BCAS3: variants seen among roughly 807,000 people sequenced by gnomAD.
The protein encoded by BCAS3 is BCAS4/BCAS3 fusion.
Under a neutral mutation model 116.1 loss-of-function variants are expected in BCAS3, and 53 were observed. The ratio of observed to expected loss-of-function variants is 0.46; its 90% CI spans 0.37 to 0.57. The LOEUF (loss-of-function observed/expected upper bound fraction) is 0.57, where lower values mean the gene tolerates loss of function less well. BCAS3 is among the 20% of genes least tolerant of loss of function. The probability of loss-of-function intolerance (pLI) is 0.00; values close to 1 mark genes in which losing one functional copy is unlikely to be tolerated. For missense variants in BCAS3, 917 were observed against 1,165.4 expected (o/e 0.79, Z 3.10); for synonymous variants, 391 against 408.2 (o/e 0.96, Z 0.51).
In BCAS3 at chr17:61,110,022, A is replaced by G. The variant is rs192098286; in HGVS notation, c.2425+25458A>G. Among the ~76,000 whole-genome samples, 851 of 152,318 alleles carry G rather than the reference A, an allele frequency of 5.6e-3. 5 individuals carry two copies. Among genetic ancestry groups the G allele is most frequent in the Non-Finnish European group, 6.2e-3 (420 of 68,022 alleles). On this transcript the variant is annotated intron_variant, in intron 22 of 23. Transcript: ENST00000407086. Reference sequence around the variant, plus strand: ...GGTCATGAAGTATTTGCCTAAGCCAATGTCTAGAAGGGTTTCTTCTGATGT... The same window carrying G: ...GGTCATGAAGTATTTGCCTAAGCCAGTGTCTAGAAGGGTTTCTTCTGATGT...
chr17:60,738,764 GT>G (rs551286824), intron 5 of BCAS3, among the ~76,000 whole-genome samples: 1 of 152,002 alleles, frequency 6.6e-6, no homozygotes, highest in East Asian at 1.9e-4. Flanking sequence ...ATTTTTAAAA[GT>G]TTTTTCTTGT....
intron 15 of BCAS3, among the ~76,000 whole-genome samples, chr17:61,006,753 G>A (rs2064744685): frequency 6.6e-6 from 1 of 151,938 alleles, no homozygotes; most frequent in African/African-American, 2.4e-5. Context: ...GAAATTTTGA[G>A]GGTGCTTTAA....
chr17:61,345,797 T>G (rs1329785021), intron 22 of BCAS3, among the ~76,000 whole-genome samples: 2 of 151,924 alleles, frequency 1.3e-5, no homozygotes, highest in Admixed American at 1.3e-4. Context: ...GCCAGTAGAT[T>G]GGGATGATAG....
intron 19 of BCAS3, among the ~76,000 whole-genome samples, chr17:61,064,082 T>TTA (rs989180486): frequency 3.3e-4 from 50 of 152,294 alleles, no homozygotes; most frequent in Admixed American, 2.9e-3. Context: ...GTCCTTAAAA[T>TTA]GGTTTGACCT....
rs2061686643 is a variant in BCAS3 at position 60,966,797 on chromosome 17, CAT to C, written c.1221+19446_1221+19447del. On this transcript the variant is annotated intron_variant, in intron 14 of 23. Transcript: ENST00000407086. ...CCTCCTGAGTAGCTGGGATTACAGACATGTGCCACCATGTCCAGCTAATTTTT... is the reference window on the plus strand; with the variant it reads ...CCTCCTGAGTAGCTGGGATTACAGACGTGCCACCATGTCCAGCTAATTTTT... Among the ~76,000 whole-genome samples the C allele has an allele frequency of 2.6e-5, 4 of 151,646 alleles. No homozygotes were observed. In the East Asian group the frequency reaches 7.8e-4, roughly 29 times the overall value.
intron 22 of BCAS3, among the ~76,000 whole-genome samples, chr17:61,216,584 C>G (rs1353978970): frequency 6.7e-6 from 1 of 150,296 alleles, no homozygotes; most frequent in Non-Finnish European, 1.5e-5. Flanking sequence ...CTTGCTCTGT[C>G]GCCCAGGCTG....
At chr17:61,089,326 A>G (rs1000193822) in intron 22 of BCAS3, among the ~76,000 whole-genome samples, 17 of 152,074 alleles carry the variant, frequency 1.1e-4, no homozygotes, top group African/African-American at 4.1e-4. Context: ...ATACTCATTA[A>G]TAGAGAAGTG....
chr17:60,822,463 C>G (rs763223783), intron 7 of BCAS3, among the ~76,000 whole-genome samples: 6 of 152,176 alleles, frequency 3.9e-5, no homozygotes, highest in Non-Finnish European at 7.4e-5. Context: ...TTGCTACAGA[C>G]TTACCTCACG....
chr17:60,790,399 G>A (rs539785178), intron 6 of BCAS3, among the ~76,000 whole-genome samples: 2 of 152,298 alleles, frequency 1.3e-5, no homozygotes, highest in African/African-American at 4.8e-5. Flanking sequence ...AATAGCCATT[G>A]TTAAAGGTGA....
rs1339848939 is a variant in BCAS3 at position 61,012,381 on chromosome 17, G to C, written c.1487-3370G>C. Among the ~76,000 whole-genome samples, 2 of 151,926 alleles carry C rather than the reference G, an allele frequency of 1.3e-5. No homozygotes were observed. Among genetic ancestry groups the C allele is most frequent in the Non-Finnish European group, 2.9e-5 (2 of 67,924 alleles). ...TTAAATCTTTGTTCTCTGTTACCTT[G>C]ATTTTATCCTATCAGCAGTTCCTTT... is the stretch of plus-strand genomic sequence containing the variant. On this transcript the variant is annotated intron_variant, in intron 15 of 23. Coordinates refer to ENST00000407086, the MANE Select transcript of BCAS3 (RefSeq NM_017679.5). This position sits in a 1 kb window ranked among gnomAD's most constrained non-coding sequence, Gnocchi z 4.5.
At chr17:61,110,206 TTATG>T (rs1044931787) in intron 22 of BCAS3, among the ~76,000 whole-genome samples, 5 of 152,286 alleles carry the variant, frequency 3.3e-5, no homozygotes, top group Admixed American at 1.3e-4. Context: ...TGAAGAGTTT[TTATG>T]TATAGTTTTA....
chr17:60,894,378 A>G (rs2057376444), intron 10 of BCAS3, among the ~76,000 whole-genome samples: 1 of 152,140 alleles, frequency 6.6e-6, no homozygotes, highest in Admixed American at 6.6e-5. Flanking sequence ...TTATTGGTGT[A>G]TAGAAATGCT....
At chr17:60,799,301 C>T (rs527242405) in intron 6 of BCAS3, among the ~76,000 whole-genome samples, 2 of 152,170 alleles carry the variant, frequency 1.3e-5, no homozygotes, top group Admixed American at 1.3e-4. Flanking sequence ...ACAGAGCAGT[C>T]CAGTGTATCC....
rs537915380 is a variant in BCAS3, at chr17:61,272,847, A to T, written c.2426-95480A>T. ...CCAATCTAGATGTGTTGACCTTCAT[A>T]CCTGAAACAGCATCGTCTGTGGTCT... On this transcript the variant is annotated intron_variant, in intron 22 of 23. Coordinates refer to ENST00000407086, the MANE Select transcript of BCAS3 (RefSeq NM_017679.5). 1.5e-4 allele frequency among the ~76,000 whole-genome samples: 23 copies of T among 151,970 alleles called. No individual in the cohort carries two copies. The South Asian group carries it at 4.8e-3, about 32-fold the overall frequency.
chr17:61,238,042 A>G (rs375368451), intron 22 of BCAS3, among the ~76,000 whole-genome samples: 3 of 152,036 alleles, frequency 2.0e-5, no homozygotes, highest in East Asian at 1.9e-4. Flanking sequence ...TTGTATGAAC[A>G]AGAGTTTTGT....
At chr17:61,150,146 A>G (rs1405058772) in intron 22 of BCAS3, among the ~76,000 whole-genome samples, 3 of 152,204 alleles carry the variant, frequency 2.0e-5, no homozygotes, top group Non-Finnish European at 4.4e-5. Flanking sequence ...TTAGCCAATC[A>G]TCCTGTAATT....
At chr17:61,260,311 A>G (rs995312248) in intron 22 of BCAS3, among the ~76,000 whole-genome samples, 5 of 152,234 alleles carry the variant, frequency 3.3e-5, no homozygotes, top group Admixed American at 6.5e-5. Context: ...GAGAAAACCC[A>G]GAGAAACCCA....
chr17:60,727,726 A>G (rs1427376883), intron 5 of BCAS3, among the ~76,000 whole-genome samples: 1 of 152,010 alleles, frequency 6.6e-6, no homozygotes, highest in African/African-American at 2.4e-5. Context: ...AATTGTTACA[A>G]TCCATGAACA....
In BCAS3 at chr17:61,325,274, G is replaced by A. The variant is rs895521638; in HGVS notation, c.2426-43053G>A. ...AGACCATTGCAAGTAACTAACAACC[G>A]TACAAATAGCGCCCTGACCTTTTCA... On this transcript the variant is annotated intron_variant, in intron 22 of 23. Coordinates refer to ENST00000407086, the MANE Select transcript of BCAS3 (RefSeq NM_017679.5). This position sits in a 1 kb window ranked among gnomAD's most constrained non-coding sequence, Gnocchi z 6.4. Among the ~76,000 whole-genome samples the A allele has an allele frequency of 1.3e-5, 2 of 152,166 alleles. No individual in the cohort carries two copies. Among genetic ancestry groups the A allele is most frequent in the Admixed American group, 6.5e-5 (1 of 15,268 alleles).
Sources: gnomAD v4.1 joint callset for allele counts (sites outside exome capture counted in the v4.1 genomes callset) on GRCh38, gnomAD v4.1.1 for gene constraint, Gnocchi (gnomAD v3.1) non-coding constraint, MANE v1.5 for transcripts, NCBI Gene and HGNC (gene_info 2026-07-23, HGNC 2026-07-21) for gene names.